The following TRERF1 variants were observed in gnomAD, a reference collection of about 807,000 sequenced individuals.
TRERF1 encodes transcriptional regulating factor 1.
A neutral mutation model predicts 122.9 loss-of-function variants in TRERF1; 27 were observed. The observed-to-expected ratio is 0.22, with a 90% CI of 0.16 to 0.30. The LOEUF is 0.30. TRERF1 is among the 10% of genes least tolerant of loss of function. The pLI is 1.00. For synonymous variants in TRERF1, 636 were observed against 641.7 expected (o/e 0.99, Z 0.13); for missense variants, 1,248 against 1,560.3 (o/e 0.80, Z 3.37).
intron 2 of TRERF1, among the ~76,000 whole-genome samples, chr6:42,379,322 T>C (rs766546037): frequency 1.1e-4 from 17 of 151,994 alleles, no homozygotes; most frequent in Non-Finnish European, 2.4e-4. Context: ...ACATGGCCAA[T>C]GGAAAGCAAT....
chr6:42,240,296 T>C (rs571294214), intron 15 of TRERF1, among the ~76,000 whole-genome samples: 2 of 152,342 alleles, frequency 1.3e-5, no homozygotes, highest in South Asian at 2.1e-4. Flanking sequence ...TGCACTGTCC[T>C]AGGCACTTGA....
In TRERF1 at chr6:42,276,507, C is replaced by T. The variant is rs1781175928; in HGVS notation, c.-258-6659G>A. ...GACTCCCCTGGGGCTCCTCTTAGTC[C>T]AGCTCACTCCCAGCTCCCCTAAGCA... On this transcript the variant is annotated intron_variant, in intron 4 of 17. Coordinates refer to ENST00000372922, the Ensembl canonical transcript of TRERF1. This position sits in a 1 kb window ranked among gnomAD's most constrained non-coding sequence, Gnocchi z 4.3. Among the ~76,000 whole-genome samples, 1 of 152,214 alleles carries T rather than the reference C, an allele frequency of 6.6e-6. No individual in the cohort carries two copies. Among genetic ancestry groups the T allele is most frequent in the Non-Finnish European group, 1.5e-5 (1 of 68,032 alleles).
intron 9 of TRERF1, among the ~76,000 whole-genome samples, chr6:42,258,863 T>C (rs1475851925): frequency 1.3e-5 from 2 of 152,184 alleles, no homozygotes; most frequent in Admixed American, 1.3e-4. Flanking sequence ...GCTTCCCAAG[T>C]AGCTGGGATT....
At chr6:42,371,501 T>C (rs1443404608) in intron 2 of TRERF1, among the ~76,000 whole-genome samples, 1 of 152,172 alleles carries the variant, frequency 6.6e-6, no homozygotes, top group Non-Finnish European at 1.5e-5. Context: ...AATGTAGCGG[T>C]TCCCGAGGCC....
At chr6:42,350,691 G>C (rs529479390) in intron 3 of TRERF1, among the ~76,000 whole-genome samples, 1 of 152,186 alleles carries the variant, frequency 6.6e-6, no homozygotes, top group African/African-American at 2.4e-5. Context: ...TCAGGAAAAA[G>C]AGTCTGGTTT....
intron 2 of TRERF1, among the ~76,000 whole-genome samples, chr6:42,398,447 T>C (rs1778936733): frequency 6.6e-6 from 1 of 152,200 alleles, no homozygotes; most frequent in African/African-American, 2.4e-5. Context: ...CAAAATTCTA[T>C]TCATCCTTCA....
intron 2 of TRERF1, among the ~76,000 whole-genome samples, chr6:42,421,235 A>G (rs1782724646): frequency 1.3e-5 from 2 of 152,374 alleles, no homozygotes; most frequent in African/African-American, 2.4e-5. Context: ...ATCAATAAAC[A>G]GCAGGTAATA....
chr6:42,405,528 C>T (rs972807483), intron 2 of TRERF1, among the ~76,000 whole-genome samples: 5 of 152,138 alleles, frequency 3.3e-5, no homozygotes, highest in African/African-American at 1.2e-4. Context: ...GGTGCGGTGG[C>T]TCACACCTGT....
chr6:42,264,988 G>T, intron 6 of TRERF1, 134 bp from the exon 7 acceptor site: 2 of 962,600 alleles, frequency 2.1e-6, no homozygotes, highest in Non-Finnish European at 3.1e-6. Context: ...GGCACCACTT[G>T]TATCACCCCA....
intron 3 of TRERF1, among the ~76,000 whole-genome samples, chr6:42,311,491 G>A (rs1346546255): frequency 2.0e-5 from 3 of 152,010 alleles, no homozygotes; most frequent in African/African-American, 7.2e-5. Flanking sequence ...GGGGCCGGGC[G>A]CGGTGGCTCA....
At chr6:42,404,870 AAG>A (rs1319458343) in intron 2 of TRERF1, among the ~76,000 whole-genome samples, 3 of 152,342 alleles carry the variant, frequency 2.0e-5, no homozygotes, top group African/African-American at 7.2e-5. Flanking sequence ...TTGCAGGACT[AAG>A]AGAATTCCTC....
At chr6:42,293,491 C>T (rs1382562555) in intron 4 of TRERF1, among the ~76,000 whole-genome samples, 3 of 152,196 alleles carry the variant, frequency 2.0e-5, no homozygotes, top group Non-Finnish European at 4.4e-5. Context: ...AAGAAGACAT[C>T]ACTGAAGTGC....
chr6:42,271,491 T>A (rs1780208081), intron 4 of TRERF1, among the ~76,000 whole-genome samples: 3 of 152,172 alleles, frequency 2.0e-5, no homozygotes, highest in Admixed American at 2.0e-4. Context: ...AACTGCATGG[T>A]CATTCTCACT....
rs528072131 is a variant in TRERF1, at chr6:42,433,039, C to T, written c.-454+18138G>A. On this transcript the variant is annotated intron_variant, in intron 2 of 17. Coordinates refer to ENST00000372922, the Ensembl canonical transcript of TRERF1. Reference sequence around the variant, plus strand: ...AAATACAAGATAATTATAATAATAACATTTTGAAGGTGTGGAAATACAACA... The same window carrying T: ...AAATACAAGATAATTATAATAATAATATTTTGAAGGTGTGGAAATACAACA... Among the ~76,000 whole-genome samples the T allele has an allele frequency of 9.9e-5, 15 of 152,014 alleles. No homozygotes were observed. In the East Asian group the frequency reaches 1.9e-3, roughly 20 times the overall value.
intron 4 of TRERF1, among the ~76,000 whole-genome samples, chr6:42,286,221 A>G (rs983635402): frequency 6.8e-6 from 1 of 147,374 alleles, no homozygotes; most frequent in African/African-American, 2.5e-5. Context: ...CATTGAGGAC[A>G]TAGGCATGGG....
rs755833286 is a variant in TRERF1 at position 42,264,725 on chromosome 6, C to G, written c.1614G>C (p.Arg538Ser). The change falls in exon 7 of 18, where the codon AGG becomes AGC. Residue 538 changes from arginine (R) to serine (S), a missense_variant. Coordinates refer to ENST00000372922, the Ensembl canonical transcript of TRERF1. ...TAACCTGTTTGAGGTTGGGGGAGGCCCTCATTCCCCCGTGGGACCGCATGT... is the reference window on the plus strand; with the variant it reads ...TAACCTGTTTGAGGTTGGGGGAGGCGCTCATTCCCCCGTGGGACCGCATGT... 4 of 1,614,042 alleles carry G rather than the reference C, an allele frequency of 2.5e-6. No homozygotes were observed. The South Asian group carries it at 4.4e-5, about 18-fold the overall frequency.
chr6:42,235,825 G>A (rs545593386), intron 16 of TRERF1, among the ~76,000 whole-genome samples: 12 of 152,328 alleles, frequency 7.9e-5, no homozygotes, highest in African/African-American at 2.6e-4. Flanking sequence ...TTTGTCAGCA[G>A]GCTCTCCTAG....
At position 42,259,808 on chromosome 6, in the gene TRERF1, C is replaced by T; in HGVS notation, c.1885-85G>A. ...CAGGTTCAGGGAAGGGGGCCTTCTA[C>T]TGTCTAAGCAGAGAGCCCTTCTGCT... On this transcript the variant is annotated intron_variant, in intron 8 of 17. Coordinates refer to ENST00000372922, the Ensembl canonical transcript of TRERF1. This position sits in a 1 kb window ranked among gnomAD's most constrained non-coding sequence, Gnocchi z 4.9. The T allele has an allele frequency of 1.1e-5, 18 of 1,565,258 alleles. No homozygotes were observed. The highest frequency in any genetic ancestry group is 2.0e-4 in the Middle Eastern group (1 of 5,078).
intron 2 of TRERF1, among the ~76,000 whole-genome samples, chr6:42,445,978 G>C (rs1431056737): frequency 6.6e-6 from 1 of 152,188 alleles, no homozygotes; most frequent in Non-Finnish European, 1.5e-5. Context: ...GCAGTGGCAC[G>C]ATCTCCACTC....
Sources: gnomAD v4.1 joint callset for allele counts (sites outside exome capture counted in the v4.1 genomes callset) on GRCh38, gnomAD v4.1.1 for gene constraint, Gnocchi (gnomAD v3.1) non-coding constraint, MANE v1.5 for transcripts, NCBI Gene and HGNC (gene_info 2026-07-23, HGNC 2026-07-21) for gene names.